Variants in RGL1 observed in about 807,000 individuals in gnomAD.
The protein encoded by RGL1 is ral guanine nucleotide dissociation stimulator like 1.
RGL1 carries 24 observed loss-of-function variants against 95.2 expected under a neutral mutation model. The ratio of observed to expected loss-of-function variants is 0.25; its 90% confidence interval spans 0.18 to 0.35. The LOEUF (loss-of-function observed/expected upper bound fraction) is 0.35, where lower values mean the gene tolerates loss of function less well. Ranked by LOEUF, RGL1 falls within the 10% of genes least tolerant of loss-of-function variation. RGL1 has a pLI of 1.00. For missense variants in RGL1, 715 were observed against 936.3 expected, an observed-to-expected ratio of 0.76 and a Z score of 3.08; for synonymous variants, 329 against 344.9, an observed-to-expected ratio of 0.95 and a Z score of 0.51.
rs747065273 is a variant in RGL1 at position 183,647,981 on chromosome 1, A to C, written c.-33+11480A>C. The C allele has an allele frequency of 1.1e-5, 17 of 1,614,218 alleles. No homozygotes were observed. In the East Asian group the frequency reaches 3.8e-4, roughly 36 times the overall value. On this transcript the variant is annotated intron_variant, in intron 1 of 18. Coordinates refer to the RGL1 transcript ENST00000304685. ...TCGGCATTTGAAAAAACTGTCCAGGAAAGGCATTGTTTAAGGGGTAGCTCT... is the reference window on the plus strand; with the variant it reads ...TCGGCATTTGAAAAAACTGTCCAGGCAAGGCATTGTTTAAGGGGTAGCTCT...
intron 3 of RGL1, among the ~76,000 whole-genome samples, chr1:183,860,917 A>G (rs1665475279): frequency 6.6e-6 from 1 of 151,348 alleles, no homozygotes; most frequent in Admixed American, 6.6e-5. Flanking sequence ...ATGATGGAAT[A>G]AATGAATGAA....
At chr1:183,695,776 A>G (rs997780331) in intron 1 of RGL1, among the ~76,000 whole-genome samples, 7 of 152,238 alleles carry the variant, frequency 4.6e-5, no homozygotes, top group Non-Finnish European at 8.8e-5. Flanking sequence ...CAGTAACATT[A>G]ACGAAGCTAT....
chr1:183,660,965 C>T lies in RGL1; in HGVS notation c.-33+24464C>T, dbSNP rs572145266. Among the ~76,000 whole-genome samples, 34 of 152,114 alleles carry T rather than the reference C, an allele frequency of 2.2e-4. No individual in the cohort carries two copies. In the South Asian group the frequency reaches 3.1e-3, roughly 14 times the overall value. ...CCTGCTCTTGAATGACTACTGGGTACGTAACGAAATGAAGGCAGAGATAAA... is the reference window on the plus strand; with the variant it reads ...CCTGCTCTTGAATGACTACTGGGTATGTAACGAAATGAAGGCAGAGATAAA... On this transcript the variant is annotated intron_variant, in intron 1 of 18. Coordinates refer to the RGL1 transcript ENST00000304685.
Position 183,688,390 on chromosome 1 carries a change from T to G in RGL1, c.-33+51889T>G, listed in dbSNP as rs372902946. ...TTTATATAGCACCATCAGTGAGGCT[T>G]TATGTCTTTATTATAAATTTTGGAG... On this transcript the variant is annotated intron_variant, in intron 1 of 18. Transcript: ENST00000304685. Among the ~76,000 whole-genome samples, 26 of 152,204 alleles carry G rather than the reference T, an allele frequency of 1.7e-4. 1 individual carries two copies. In the East Asian group the frequency reaches 4.0e-3, roughly 24 times the overall value.
intron 2 of RGL1, among the ~76,000 whole-genome samples, chr1:183,789,465 A>AAAACAAG (rs1335923220): frequency 1.3e-5 from 2 of 152,292 alleles, no homozygotes; most frequent in Non-Finnish European, 2.9e-5. Context: ...CAAAAAACAA[A>AAAACAAG]AAAACAAAAA....
At chr1:183,774,831 C>T (rs569418432) in intron 2 of RGL1, among the ~76,000 whole-genome samples, 1 of 152,104 alleles carries the variant, frequency 6.6e-6, no homozygotes, top group African/African-American at 2.4e-5. Context: ...GCCTCAGGCT[C>T]CCAAAGTACT....
chr1:183,698,435 A>G (rs989743562), intron 1 of RGL1, among the ~76,000 whole-genome samples: 9 of 152,192 alleles, frequency 5.9e-5, no homozygotes, highest in African/African-American at 2.2e-4. Context: ...GTTTTCCTAT[A>G]CTTTGATACA....
chr1:183,879,709 G>A (rs995799474), intron 4 of RGL1, among the ~76,000 whole-genome samples: 1 of 152,220 alleles, frequency 6.6e-6, no homozygotes, highest in African/African-American at 2.4e-5. Context: ...ATTGAGTCAG[G>A]AGTGTTGGTA....
At chr1:183,795,506 T>C (rs1194866999) in intron 2 of RGL1, among the ~76,000 whole-genome samples, 1 of 151,958 alleles carries the variant, frequency 6.6e-6, no homozygotes, top group East Asian at 1.9e-4. Context: ...GCAAAGGCTG[T>C]GTGAAGGGAG....
intron 2 of RGL1, among the ~76,000 whole-genome samples, chr1:183,777,698 G>A (rs1488803895): frequency 6.6e-6 from 1 of 152,178 alleles, no homozygotes; most frequent in Admixed American, 6.6e-5. Flanking sequence ...CCCAACTGTT[G>A]CTCTATGGAC....
At chr1:183,701,763 C>A (rs6424906) in intron 1 of RGL1, among the ~76,000 whole-genome samples, 1 of 151,578 alleles carries the variant, frequency 6.6e-6, no homozygotes, top group African/African-American at 2.4e-5. Context: ...GTGGTGAAAC[C>A]CCATCTCCAC....
intron 9 of RGL1, among the ~76,000 whole-genome samples, chr1:183,893,048 C>G (rs893614478): frequency 6.6e-6 from 1 of 152,190 alleles, no homozygotes; most frequent in African/African-American, 2.4e-5. Context: ...AGACATAAAG[C>G]TATTTCTTCT....
At chr1:183,883,263 G>C (rs1666926238) in intron 5 of RGL1, among the ~76,000 whole-genome samples, 1 of 152,182 alleles carries the variant, frequency 6.6e-6, no homozygotes, top group Non-Finnish European at 1.5e-5. Flanking sequence ...TTAGCTTTGG[G>C]TGGAAGTTGA....
At chr1:183,676,654 T>A (rs1652846770) in intron 1 of RGL1, among the ~76,000 whole-genome samples, 1 of 148,532 alleles carries the variant, frequency 6.7e-6, no homozygotes, top group South Asian at 2.1e-4. Flanking sequence ...CAGCCTGAAG[T>A]GATTAGATCG....
chr1:183,748,850 T>C (rs1451735871), intron 2 of RGL1, among the ~76,000 whole-genome samples: 3 of 152,240 alleles, frequency 2.0e-5, no homozygotes, highest in Non-Finnish European at 4.4e-5. Flanking sequence ...AAAGGACTTA[T>C]TTATTTCTGC....
At chr1:183,886,526 G>A (rs1572554437) in intron 7 of RGL1, among the ~76,000 whole-genome samples, 3 of 152,238 alleles carry the variant, frequency 2.0e-5, no homozygotes, top group Non-Finnish European at 1.5e-5. Context: ...GGGCTCAAGC[G>A]ATGACTTTTG....
At chr1:183,669,219 T>G (rs551455893) in intron 1 of RGL1, among the ~76,000 whole-genome samples, 122 of 152,212 alleles carry the variant, frequency 8.0e-4, no homozygotes, top group African/African-American at 2.7e-3. Flanking sequence ...TGGGATTACA[T>G]GGACATTTTT....
Position 183,701,661 on chromosome 1 carries a change from G to T in RGL1, c.-32-40465G>T, listed in dbSNP as rs540522435. 7.9e-5 allele frequency among the ~76,000 whole-genome samples: 12 copies of T among 152,030 alleles called. No homozygotes were observed. The East Asian group carries it at 2.3e-3, about 29-fold the overall frequency. ...TTTTTAAAATAATATTTTATTGGCCGGGTGCAGTGGCTCATGCCTGTAATC... is the reference window on the plus strand; with the variant it reads ...TTTTTAAAATAATATTTTATTGGCCTGGTGCAGTGGCTCATGCCTGTAATC... On this transcript the variant is annotated intron_variant, in intron 1 of 18. Transcript: ENST00000304685.
At chr1:183,703,002 G>T (rs1316389083) in intron 1 of RGL1, among the ~76,000 whole-genome samples, 1 of 152,172 alleles carries the variant, frequency 6.6e-6, no homozygotes, top group African/African-American at 2.4e-5. Context: ...TACCTCTCTC[G>T]GTCTTCAGGG....
Sources: gnomAD v4.1 joint callset for allele counts (sites outside exome capture counted in the v4.1 genomes callset) on GRCh38, gnomAD v4.1.1 for gene constraint, MANE v1.5 for transcripts, NCBI Gene and HGNC (gene_info 2026-07-23, HGNC 2026-07-21) for gene names.